The following TMTC2 variants were observed in gnomAD, a reference collection of about 807,000 sequenced individuals.
TMTC2 encodes transmembrane O-mannosyltransferase targeting cadherins 2, also known as protein O-mannosyl-transferase TMTC2.
A neutral mutation model predicts 82.4 loss-of-function variants in TMTC2; 43 were observed. The observed-to-expected ratio is 0.52, with a 90% CI of 0.41 to 0.67. TMTC2 has a LOEUF of 0.67. TMTC2 is among the 30% of genes least tolerant of loss of function. The pLI is 0.00. For synonymous variants in TMTC2, 408 were observed against 381.9 expected (o/e 1.07, Z -0.80); for missense variants, 919 against 1,012.4 (o/e 0.91, Z 1.25).
intron 9 of TMTC2, among the ~76,000 whole-genome samples, chr12:83,041,081 T>C (rs567062933): frequency 7.5e-6 from 1 of 133,764 alleles, no homozygotes; most frequent in East Asian, 2.3e-4. Flanking sequence ...CCTTTTTTTG[T>C]GTATGGAAAT....
intron 1 of TMTC2, among the ~76,000 whole-genome samples, chr12:82,720,117 T>C (rs962472550): frequency 1.3e-5 from 2 of 152,134 alleles, no homozygotes; most frequent in African/African-American, 2.4e-5. Flanking sequence ...TCAAACTCAA[T>C]GGTTTTTAGT....
chr12:83,075,328 A>G (rs1247520754), intron 11 of TMTC2, among the ~76,000 whole-genome samples: 7 of 152,144 alleles, frequency 4.6e-5, no homozygotes, highest in Non-Finnish European at 1.0e-4. Flanking sequence ...GCTAAAATTC[A>G]CAGCTCAAAC....
intron 8 of TMTC2, among the ~76,000 whole-genome samples, chr12:83,029,726 T>C (rs1052315785): frequency 3.3e-5 from 5 of 152,190 alleles, no homozygotes; most frequent in African/African-American, 1.2e-4. Flanking sequence ...GTTGTTCTCC[T>C]ATCTTGTGCC....
intron 6 of TMTC2, among the ~76,000 whole-genome samples, chr12:82,966,518 G>T (rs1406661302): frequency 1.1e-4 from 17 of 152,152 alleles, no homozygotes; most frequent in Non-Finnish European, 2.4e-4. Flanking sequence ...TGGAAGATTT[G>T]TTAGCTGACA....
At chr12:82,746,471 A>G (rs1399265493) in intron 1 of TMTC2, among the ~76,000 whole-genome samples, 1 of 152,176 alleles carries the variant, frequency 6.6e-6, no homozygotes, top group East Asian at 1.9e-4. Context: ...AATGGGGTAC[A>G]AAGAAGACTA....
At chr12:82,902,139 T>C (rs1011969678) in intron 3 of TMTC2, among the ~76,000 whole-genome samples, 1 of 152,088 alleles carries the variant, frequency 6.6e-6, no homozygotes, top group African/African-American at 2.4e-5. Context: ...ATGCTCTGGG[T>C]ATATTTCATA....
intron 2 of TMTC2, among the ~76,000 whole-genome samples, chr12:82,868,612 T>G (rs1276037038): frequency 1.3e-5 from 2 of 151,996 alleles, no homozygotes; most frequent in Non-Finnish European, 1.5e-5. Context: ...CAAACCACCC[T>G]GTTTCCCATA....
chr12:82,994,938 G>GC (rs1694679500), intron 8 of TMTC2, among the ~76,000 whole-genome samples: 1 of 128,810 alleles, frequency 7.8e-6, no homozygotes. Context: ...TCCACCCCCC[G>GC]CCCCCCATTT....
intron 11 of TMTC2, among the ~76,000 whole-genome samples, chr12:83,106,049 A>G (rs939321944): frequency 1.3e-5 from 2 of 152,222 alleles, no homozygotes; most frequent in African/African-American, 4.8e-5. Flanking sequence ...TCAAAACTCA[A>G]TGATTAAATT....
At chr12:83,040,015 T>C (rs1881827890) in intron 9 of TMTC2, among the ~76,000 whole-genome samples, 1 of 152,232 alleles carries the variant, frequency 6.6e-6, no homozygotes. Context: ...GCTAGTGCTG[T>C]TATGACTGAA....
At chr12:82,902,363 T>C (rs933391559) in intron 3 of TMTC2, among the ~76,000 whole-genome samples, 1 of 152,188 alleles carries the variant, frequency 6.6e-6, no homozygotes, top group South Asian at 2.1e-4. Context: ...ACAGTTTCTG[T>C]CTCCAGCAGC....
intron 1 of TMTC2, among the ~76,000 whole-genome samples, chr12:82,800,897 GA>G (rs1878964659): frequency 6.6e-6 from 1 of 152,182 alleles, no homozygotes; most frequent in South Asian, 2.1e-4. Flanking sequence ...AAACAACAAA[GA>G]GGGGGTTAAA....
At chr12:82,866,135 A>G (rs897302297) in intron 2 of TMTC2, among the ~76,000 whole-genome samples, 2 of 151,552 alleles carry the variant, frequency 1.3e-5, no homozygotes, top group Admixed American at 1.3e-4. Flanking sequence ...TTCAAAAGCT[A>G]GCAGAAGGCA....
chr12:82,754,528 A>C (rs1876192908), intron 1 of TMTC2, among the ~76,000 whole-genome samples: 1 of 152,068 alleles, frequency 6.6e-6, no homozygotes, highest in Non-Finnish European at 1.5e-5. Context: ...TGAGGTCAGG[A>C]GTTCGAGACC....
At chr12:83,061,896 G>GA in intron 11 of TMTC2, 65 bp downstream of exon 11, 5 of 1,225,426 alleles carry the variant, frequency 4.1e-6, no homozygotes, top group Non-Finnish European at 5.6e-6. Context: ...ATAGGTGTAA[G>GA]AAGCATCATG....
chr12:83,030,563 G>A (rs905374041), intron 8 of TMTC2, among the ~76,000 whole-genome samples: 3 of 151,916 alleles, frequency 2.0e-5, no homozygotes, highest in African/African-American at 7.3e-5. Context: ...TGATCTTTTT[G>A]GTGGGCCATT....
At chr12:82,931,699 G>A (rs908805914) in intron 4 of TMTC2, among the ~76,000 whole-genome samples, 22 of 152,062 alleles carry the variant, frequency 1.4e-4, no homozygotes, top group Admixed American at 6.6e-4. Context: ...TTTCTTCTGG[G>A]TTTGCTCCAT....
intron 8 of TMTC2, among the ~76,000 whole-genome samples, chr12:83,026,767 T>C (rs1881200142): frequency 6.6e-6 from 1 of 151,760 alleles, no homozygotes. Flanking sequence ...TTTTTATATT[T>C]GTGTATTTTG....
intron 11 of TMTC2, among the ~76,000 whole-genome samples, chr12:83,131,437 TG>T (rs1456061040): frequency 6.6e-6 from 1 of 152,242 alleles, no homozygotes; most frequent in African/African-American, 2.4e-5. Flanking sequence ...GTGATAGCTT[TG>T]TATTGCAATT....
Sources: gnomAD v4.1 joint callset for allele counts (sites outside exome capture counted in the v4.1 genomes callset) on GRCh38, gnomAD v4.1.1 for gene constraint, MANE v1.5 for transcripts, NCBI Gene and HGNC (gene_info 2026-07-23, HGNC 2026-07-21) for gene names.